The following GRIP1 variants were observed in gnomAD, a reference collection of about 807,000 sequenced individuals.
The protein encoded by GRIP1 is glutamate receptor interacting protein 1.
GRIP1 carries 45 observed loss-of-function variants against 129.9 expected under a neutral mutation model. The ratio of observed to expected loss-of-function variants is 0.35; its 90% CI spans 0.27 to 0.44. The LOEUF is 0.44. Among genes scored for constraint, GRIP1 ranks in the 20% least tolerant of loss-of-function variants. GRIP1 has a pLI of 1.00. For synonymous variants in GRIP1, 530 were observed against 520.8 expected, an observed-to-expected ratio of 1.02 and a Z score of -0.24; for missense variants, 1,196 against 1,396.8, an observed-to-expected ratio of 0.86 and a Z score of 2.29.
intron 1 of GRIP1, among the ~76,000 whole-genome samples, chr12:67,056,522 AGCT>A (rs893471638): frequency 2.0e-5 from 3 of 152,132 alleles, no homozygotes; most frequent in African/African-American, 7.2e-5. Flanking sequence ...GCAAGGGGGA[AGCT>A]GCTTTGACTT....
intron 13 of GRIP1, among the ~76,000 whole-genome samples, chr12:66,438,161 A>G (rs1409453473): frequency 6.6e-5 from 10 of 152,234 alleles, no homozygotes; most frequent in Admixed American, 4.6e-4. Flanking sequence ...TCCATCCTTG[A>G]AAAGTCCTAC....
chr12:66,453,669 C>T (rs972237666), intron 11 of GRIP1, among the ~76,000 whole-genome samples: 1 of 152,168 alleles, frequency 6.6e-6, no homozygotes, highest in African/African-American at 2.4e-5. Context: ...CTCATGTAAT[C>T]TCAATTACCC....
At chr12:66,510,250 C>A (rs1278991034) in intron 7 of GRIP1, among the ~76,000 whole-genome samples, 1 of 152,132 alleles carries the variant, frequency 6.6e-6, no homozygotes, top group South Asian at 2.1e-4. Context: ...GCTTGGCCTT[C>A]GTTCACTGTC....
intron 7 of GRIP1, among the ~76,000 whole-genome samples, chr12:66,477,670 C>T (rs149178921): frequency 0.013 from 2,020 of 152,158 alleles, 44 homozygotes; most frequent in African/African-American, 0.045. Context: ...GGTACTGGTA[C>T]CAAAACAGAG....
intron 1 of GRIP1, among the ~76,000 whole-genome samples, chr12:66,646,998 T>G (rs997454503): frequency 5.3e-5 from 8 of 152,132 alleles, no homozygotes; most frequent in Admixed American, 2.0e-4. Flanking sequence ...ATTTTCCAGA[T>G]GAGAAAATGG....
At chr12:66,574,848 T>C (rs909816495) in intron 2 of GRIP1, among the ~76,000 whole-genome samples, 1 of 147,992 alleles carries the variant, frequency 6.8e-6, no homozygotes, top group Non-Finnish European at 1.5e-5. Flanking sequence ...TGCAGTGGTG[T>C]GATCTCAGCT....
At chr12:66,798,608 C>A (rs1390591277) in intron 1 of GRIP1, among the ~76,000 whole-genome samples, 1 of 152,082 alleles carries the variant, frequency 6.6e-6, no homozygotes, top group Non-Finnish European at 1.5e-5. Flanking sequence ...GCATGCCGTA[C>A]TAACTGGACT....
intron 1 of GRIP1, among the ~76,000 whole-genome samples, chr12:66,796,143 T>C (rs1475576199): frequency 1.3e-5 from 2 of 152,056 alleles, no homozygotes; most frequent in African/African-American, 2.4e-5. Context: ...GACTCCTCTA[T>C]GTGAATAGCA....
intron 1 of GRIP1, among the ~76,000 whole-genome samples, chr12:66,899,079 C>G (rs188235719): frequency 9.9e-5 from 15 of 152,266 alleles, no homozygotes; most frequent in Admixed American, 9.8e-4. Flanking sequence ...CTTTGCATTT[C>G]TGCCTGGGTA....
At chr12:66,407,452 G>T (rs1215279329) in intron 15 of GRIP1, 1 of 152,288 alleles carries the variant, frequency 6.6e-6, no homozygotes, top group East Asian at 1.9e-4. Flanking sequence ...GGGTAGGAAA[G>T]AAAGTCTTGA....
intron 1 of GRIP1, among the ~76,000 whole-genome samples, chr12:66,844,537 T>C (rs966227269): frequency 5.3e-5 from 8 of 152,210 alleles, no homozygotes; most frequent in African/African-American, 1.7e-4. Context: ...ACAGCCACTA[T>C]GGAAAACAAT....
At chr12:66,798,620 C>T (rs1006540747) in intron 1 of GRIP1, among the ~76,000 whole-genome samples, 2 of 152,018 alleles carry the variant, frequency 1.3e-5, no homozygotes, top group African/African-American at 4.8e-5. Flanking sequence ...AACTGGACTC[C>T]GAAGTCCCTC....
chr12:66,650,745 G>A (rs1392714147), intron 1 of GRIP1, among the ~76,000 whole-genome samples: 6 of 152,054 alleles, frequency 3.9e-5, no homozygotes, highest in Admixed American at 2.0e-4. Context: ...AATCTTGAGG[G>A]TTCAACTCTT....
intron 1 of GRIP1, among the ~76,000 whole-genome samples, chr12:66,607,042 C>T (rs575784803): frequency 1.3e-5 from 2 of 152,066 alleles, no homozygotes; most frequent in South Asian, 2.1e-4. Flanking sequence ...TGTGTGTGCA[C>T]GCGCACATGT....
intron 1 of GRIP1, among the ~76,000 whole-genome samples, chr12:66,722,069 T>A (rs2036075680): frequency 6.6e-6 from 1 of 152,238 alleles, no homozygotes; most frequent in Admixed American, 6.5e-5. Context: ...AAGGTTGTTT[T>A]GCCTTCTTAT....
chr12:66,734,729 C>T (rs1257534964), intron 1 of GRIP1, among the ~76,000 whole-genome samples: 3 of 152,094 alleles, frequency 2.0e-5, no homozygotes, highest in African/African-American at 7.2e-5. Context: ...CATAGATGGA[C>T]AGGAATAAAC....
At chr12:66,528,291 C>A (rs949870297) in intron 5 of GRIP1, among the ~76,000 whole-genome samples, 3 of 152,030 alleles carry the variant, frequency 2.0e-5, no homozygotes, top group Admixed American at 6.6e-5. Context: ...CCTGCCACCA[C>A]GCCCGGCTAA....
At chr12:66,377,881 G>A (rs1262008374) in intron 20 of GRIP1, among the ~76,000 whole-genome samples, 1 of 152,036 alleles carries the variant, frequency 6.6e-6, no homozygotes, top group Admixed American at 6.6e-5. Context: ...GGCCCTGTTG[G>A]AATGGGATGG....
chr12:66,367,597 G>A (rs1168333), intron 23 of GRIP1, among the ~76,000 whole-genome samples: 67,645 of 152,042 alleles, frequency 0.44, 15,541 homozygotes, highest in East Asian at 0.7. Context: ...AGACCTACTA[G>A]TAAGTCTTGA....
Sources: allele counts gnomAD v4.1 joint callset (sites outside exome capture counted in the v4.1 genomes callset), GRCh38; gene constraint gnomAD v4.1.1; transcripts MANE v1.5; gene names NCBI Gene and HGNC (gene_info 2026-07-23, HGNC 2026-07-21).